PEX6: variants seen among roughly 807,000 people sequenced by gnomAD.
PEX6 encodes peroxisome biogenesis factor 6.
In PEX6, 55 loss-of-function variants were observed where a neutral mutation model predicts 85.6. The observed-to-expected ratio is 0.64, with a 90% confidence interval of 0.52 to 0.80. The LOEUF is 0.80. PEX6 is among the 30% of genes least tolerant of loss of function. The pLI is 0.00. For missense variants in PEX6, 1,099 were observed against 1,260.3 expected (o/e 0.87, Z 1.94); for synonymous variants, 519 against 549.1 (o/e 0.95, Z 0.77).
intron 7 of PEX6, among the ~76,000 whole-genome samples, chr6:42,967,985 C>T (rs535923704): frequency 2.1e-4 from 31 of 146,250 alleles, no homozygotes; most frequent in Non-Finnish European, 3.9e-4. Context: ...TTGCTCTTGT[C>T]GCCCAGGCTG....
chr6:42,969,981 C>T lies in PEX6; in HGVS notation c.1137G>A (p.Arg379=), dbSNP rs766574538. 2.5e-6 allele frequency: 4 copies of T among 1,614,034 alleles called. No homozygotes were observed. The Admixed American group carries it at 6.7e-5, about 27-fold the overall frequency. The change falls in exon 4 of 17, where the codon CGG becomes CGA. Residue 379 remains arginine (R), a synonymous_variant. Transcript: ENST00000304611. ...EGSPEKLPRW[R]EMFFKVKKTV... is the part of the protein sequence containing the mutation. ...TTTTCTTCACTTTAAAAAACATTTC[C>T]CGCCACCTGCAGGAAAAAGGCCCAA...
At position 42,978,316 on chromosome 6, in the gene PEX6, A is replaced by G. The variant is rs1321153308; in HGVS notation, c.835T>C (p.Phe279Leu). 6.2e-7 allele frequency: 1 copy of G among 1,614,212 alleles called. No homozygotes were observed. The highest frequency in any genetic ancestry group is 1.7e-5 in the Admixed American group (1 of 60,032). ...GLALVPATLA[F>L]NLGCDPLEMG... ...TCCAGGGGGTCACAGCCAAGATTAA[A>G]AGCCAAAGTGGCAGGGACAAGCGCC... Residue 279 changes from phenylalanine (F) to leucine (L), a missense_variant, in exon 1 of 17, where the codon TTT becomes CTT. This residue lies in a region of PEX6 where 579 missense variants were observed against 611.6 expected (regional missense o/e 0.95). Coordinates refer to ENST00000304611, the MANE Select transcript of PEX6 (RefSeq NM_000287.4).
intron 2 of PEX6, 50 bp from the exon 3 acceptor site, chr6:42,974,136 T>C: frequency 1.4e-5 from 19 of 1,365,688 alleles, no homozygotes; most frequent in Non-Finnish European, 1.9e-5. Flanking sequence ...GTAATGAGCA[T>C]GTGTTCATTA....
intron 1 of PEX6, among the ~76,000 whole-genome samples, chr6:42,977,894 A>C (rs1178870735): frequency 7.6e-6 from 1 of 131,848 alleles, no homozygotes; most frequent in Non-Finnish European, 1.6e-5. Context: ...CCCAGGCTGG[A>C]GTCCAATGGC....
Position 42,978,885 on chromosome 6 carries a change from C to T in PEX6, c.266G>A (p.Gly89Glu). 1 of 1,491,138 alleles carries T rather than the reference C, an allele frequency of 6.7e-7. No individual in the cohort carries two copies. Among genetic ancestry groups the T allele is most frequent in the Non-Finnish European group, 8.9e-7 (1 of 1,129,210 alleles). The allele number at this position is 1,491,138 out of a possible 1,614,324, so 92.4% of individuals were successfully genotyped here. Reference sequence around the variant, plus strand: ...CACCGCCCGCGCCCGCACCCAGGCCCCGGAGCCCAGTGCCAGGAGCCGCAG... The same window carrying T: ...CACCGCCCGCGCCCGCACCCAGGCCTCGGAGCCCAGTGCCAGGAGCCGCAG... ...ALLRLLALGSGAWVRARAVRR... is the reference protein window; with the variant it reads ...ALLRLLALGSEAWVRARAVRR... The change falls in exon 1 of 17, where the codon GGG becomes GAG. Residue 89 changes from glycine to glutamate, a missense_variant. By Grantham distance (98) the Gly-to-Glu change is moderately conservative. Coordinates refer to ENST00000304611, the MANE Select transcript of PEX6 (RefSeq NM_000287.4).
In PEX6 at chr6:42,968,406, T is replaced by C; in HGVS notation, c.1572A>G (p.Ala524=). Residue 524 remains alanine (A), a synonymous_variant, in exon 7 of 17, where the codon GCA becomes GCG. Transcript: ENST00000304611. ...IFSRARRCRP[A]VLLLTAVDLL... ...GGTCCACAGCTGTGAGCAACAGGAC[T>C]GCAGGCCGGCAACGGCGGGCCCGGG... 6.2e-7 allele frequency: 1 copy of C among 1,614,030 alleles called. No homozygotes were observed. Among genetic ancestry groups the C allele is most frequent in the Non-Finnish European group, 8.5e-7 (1 of 1,180,002 alleles).
In PEX6 at chr6:42,966,973, T is replaced by TTG. The variant is rs1442785867; in HGVS notation, c.1885-116_1885-115insCA. ...TTGATGCCTTAGGTTTGTTGTTTTT[T>TTG]TTTTTTTTTTTTTTTTGAGACGGAG... On this transcript the variant is annotated intron_variant, in intron 8 of 16. Coordinates refer to ENST00000304611, the MANE Select transcript of PEX6 (RefSeq NM_000287.4). 29 of 736,610 alleles carry TTG rather than the reference T, an allele frequency of 3.9e-5. No individual in the cohort carries two copies. The East Asian group carries it at 7.0e-4, about 18-fold the overall frequency. 45.6% of individuals were successfully genotyped at this position (736,610 alleles called of 1,614,324 possible). A position where few individuals can be genotyped will look rare whatever the true frequency, so the allele number is the denominator to read the frequency against.
chr6:42,966,938 A>T, intron 8 of PEX6, 80 bp from the exon 9 acceptor site: 5 of 955,940 alleles, frequency 5.2e-6, no homozygotes, highest in Non-Finnish European at 8.3e-6. Context: ...GCTAGAGCAG[A>T]GGCCCTCTGT....
At chr6:42,976,802 C>A (rs1770317769) in intron 1 of PEX6, among the ~76,000 whole-genome samples, 1 of 152,012 alleles carries the variant, frequency 6.6e-6, no homozygotes, top group Non-Finnish European at 1.5e-5. Context: ...GAAGTAAAGG[C>A]AGAAACCAAA....
chr6:42,975,165 G>A (rs1284532652), intron 1 of PEX6, 127 bp from the exon 2 acceptor site: 5 of 835,908 alleles, frequency 6.0e-6, no homozygotes, highest in Admixed American at 1.9e-5. Context: ...GTGGAAGGTG[G>A]GGCCTGAGGT....
Position 42,969,928 on chromosome 6 carries a change from G to T in PEX6, c.1190C>A (p.Ala397Asp). 1 of 1,614,216 alleles carries T rather than the reference G, an allele frequency of 6.2e-7. No individual in the cohort carries two copies. Among genetic ancestry groups the T allele is most frequent in the South Asian group, 1.1e-5 (1 of 91,084 alleles). The change falls in exon 4 of 17, where the codon GCC becomes GAC. Residue 397 changes from alanine to aspartate, a missense_variant. By Grantham distance (126) the Ala-to-Asp change is moderately radical. Coordinates refer to ENST00000304611, the MANE Select transcript of PEX6 (RefSeq NM_000287.4). ...KTVGEAPDGP[A>D]SAYLADTTHT... ...GGTGGTGTCGGCCAAGTAGGCACTG[G>T]CTGGTCCATCTGGAGCTTCCCCAAC...
rs1237473526 is a variant in PEX6, at chr6:42,972,500, G to A, written c.1130+1503C>T. 3.3e-5 allele frequency among the ~76,000 whole-genome samples: 5 copies of A among 152,338 alleles called. No individual in the cohort carries two copies. In the East Asian group the frequency reaches 5.8e-4, roughly 18 times the overall value. ...CAATAGAAATCCCTGGCTGGGTGCG[G>A]TGGCTCACGCCTGTAATCCCAGCAC... On this transcript the variant is annotated intron_variant, in intron 3 of 16. Transcript: ENST00000304611.
At position 42,965,059 on chromosome 6, in the gene PEX6, C is replaced by G. The variant is rs753900168; in HGVS notation, c.2666+16G>C. Reference sequence around the variant, plus strand: ...AAGGCCCAAGCCCTTCGCAGTCTTCCTCTAACAGAGCATACTTGCGTGTGA... The same window carrying G: ...AAGGCCCAAGCCCTTCGCAGTCTTCGTCTAACAGAGCATACTTGCGTGTGA... On this transcript the variant is annotated intron_variant, in intron 15 of 16. Coordinates refer to ENST00000304611, the MANE Select transcript of PEX6 (RefSeq NM_000287.4). The surrounding 1 kb of genome is among the most constrained non-coding windows in gnomAD (Gnocchi z 5.0). 7 of 1,613,862 alleles carry G rather than the reference C, an allele frequency of 4.3e-6. No homozygotes were observed. In the African/African-American group the frequency reaches 9.3e-5, roughly 22 times the overall value.
In PEX6 at chr6:42,978,816, A is replaced by G. The variant is rs1397437694; in HGVS notation, c.335T>C (p.Leu112Pro). ...ALGWALLGTS[L>P]GPGLGPRVGP... is the part of the protein sequence containing the mutation. ...GACTCGCGGTCCGAGCCCAGGCCCC[A>G]GCGAGGTGCCAAGCAGTGCCCAACC... The change falls in exon 1 of 17, where the codon CTG (leucine) becomes CCG (proline). Residue 112 changes from leucine (L) to proline (P), a missense_variant. Leu to Pro is a moderately conservative substitution (Grantham distance 98, BLOSUM62 -3). Transcript: ENST00000304611. 1 of 1,533,226 alleles carries G rather than the reference A, an allele frequency of 6.5e-7. No homozygotes were observed. The highest frequency in any genetic ancestry group is 1.2e-5 in the South Asian group (1 of 83,928). 95.0% of individuals were successfully genotyped at this position (1,533,226 alleles called of 1,614,324 possible).
chr6:42,972,526 T>C (rs1025521958), intron 3 of PEX6, among the ~76,000 whole-genome samples: 8 of 152,184 alleles, frequency 5.3e-5, no homozygotes, highest in Admixed American at 2.6e-4. Flanking sequence ...ATCCCAGCAC[T>C]TTGGGAGGCC....
At position 42,968,621 on chromosome 6, in the gene PEX6, G is replaced by C. The variant is rs113866814; in HGVS notation, c.1480-123C>G. 8.4e-3 allele frequency: 7,760 copies of C among 928,132 alleles called. 363 individuals are homozygous for C. The African/African-American group carries it at 0.11, about 13-fold the overall frequency. The allele number at this position is 928,132 out of a possible 1,614,324, so 57.5% of individuals were successfully genotyped here. A position where few individuals can be genotyped will look rare whatever the true frequency, so the allele number is the denominator to read the frequency against. ...TTCTCTGGAGGGCAGGGACAGGGAA[G>C]GTACCCTGGCCAAGTCCTACCTCTT... On this transcript the variant is annotated intron_variant, in intron 6 of 16. Coordinates refer to ENST00000304611, the MANE Select transcript of PEX6 (RefSeq NM_000287.4).
At chr6:42,975,662 CAAAACA>C (rs1327822241) in intron 1 of PEX6, among the ~76,000 whole-genome samples, 2 of 150,328 alleles carry the variant, frequency 1.3e-5, no homozygotes, top group African/African-American at 4.9e-5. Context: ...TGGCTAAAAA[CAAAACA>C]AAAACAAAGA....
rs1770052167 is a variant in PEX6 at position 42,971,442 on chromosome 6, G to A, written c.1131-1455C>T. Among the ~76,000 whole-genome samples, 1 of 152,188 alleles carries A rather than the reference G, an allele frequency of 6.6e-6. No individual in the cohort carries two copies. The highest frequency in any genetic ancestry group is 2.4e-5 in the African/African-American group (1 of 41,454). ...CACCTCAGTGAATAGAAAGGCCAGA[G>A]CTCTGGAACCTATGTGGACACTGCT... On this transcript the variant is annotated intron_variant, in intron 3 of 16. Coordinates refer to ENST00000304611, the MANE Select transcript of PEX6 (RefSeq NM_000287.4). This position sits in a 1 kb window ranked among gnomAD's most constrained non-coding sequence, Gnocchi z 4.4.
chr6:42,965,055 C>T lies in PEX6; in HGVS notation c.2666+20G>A. ...TCCCAAGGCCCAAGCCCTTCGCAGT[C>T]TTCCTCTAACAGAGCATACTTGCGT... On this transcript the variant is annotated intron_variant, in intron 15 of 16. Coordinates refer to ENST00000304611, the MANE Select transcript of PEX6 (RefSeq NM_000287.4). This position sits in a 1 kb window ranked among gnomAD's most constrained non-coding sequence, Gnocchi z 5.0. The T allele has an allele frequency of 6.2e-7, 1 of 1,613,894 alleles. No homozygotes were observed. Among genetic ancestry groups the T allele is most frequent in the Non-Finnish European group, 8.5e-7 (1 of 1,179,710 alleles).
Sources: gnomAD v4.1 joint callset for allele counts (sites outside exome capture counted in the v4.1 genomes callset) on GRCh38, gnomAD v4.1.1 for gene constraint, gnomAD v4.1.1 regional missense constraint, Gnocchi (gnomAD v3.1) non-coding constraint, MANE v1.5 for transcripts, NCBI Gene and HGNC (gene_info 2026-07-23, HGNC 2026-07-21) for gene names.